PAIP2: variants seen among roughly 807,000 people sequenced by gnomAD.
The protein encoded by PAIP2 is polyadenylate-binding protein-interacting protein 2.
Under a neutral mutation model 14.8 loss-of-function variants are expected in PAIP2, and 7 were observed. The observed-to-expected ratio is 0.47, with a 90% CI of 0.27 to 0.89. PAIP2 has a LOEUF of 0.89. Ranked by LOEUF, PAIP2 falls within the 40% of genes least tolerant of loss-of-function variation. The pLI is 0.13. For synonymous variants in PAIP2, 47 were observed against 45.3 expected (o/e 1.04, Z -0.15); for missense variants, 122 against 154.7 (o/e 0.79, Z 1.12).
intron 1 of PAIP2, among the ~76,000 whole-genome samples, chr5:139,346,988 A>T (rs1756571147): frequency 6.6e-6 from 1 of 151,126 alleles, no homozygotes; most frequent in Admixed American, 6.6e-5. Context: ...TTTTTGTATT[A>T]CTAGAGATGG....
chr5:139,352,499 G>GTTTTTTTTTTTT (rs1561959065), intron 1 of PAIP2, among the ~76,000 whole-genome samples: 5 of 128,954 alleles, frequency 3.9e-5, no homozygotes, highest in South Asian at 4.6e-4. Flanking sequence ...TTTTTTTTTT[G>GTTTTTTTTTTTT]TTGTTTTTTT....
At chr5:139,359,808 A>G (rs886582822) in intron 1 of PAIP2, among the ~76,000 whole-genome samples, 25 of 151,286 alleles carry the variant, frequency 1.7e-4, no homozygotes, top group African/African-American at 5.3e-4. Context: ...TGTCTCTACT[A>G]AAAATACAAA....
intron 1 of PAIP2, among the ~76,000 whole-genome samples, chr5:139,354,795 C>T (rs1220450259): frequency 6.6e-6 from 1 of 150,554 alleles, no homozygotes; most frequent in Non-Finnish European, 1.5e-5. Flanking sequence ...TTGAACCCCT[C>T]TAGTAAATTT....
Position 139,364,588 on chromosome 5 carries a change from G to T in PAIP2, c.163G>T (p.Glu55Ter). ...GATAGAAGAGGAGTTATGGGAAGAAGAATTTATTGAACGCTGTTTCCAAGA... is the reference window on the plus strand; with the variant it reads ...GATAGAAGAGGAGTTATGGGAAGAATAATTTATTGAACGCTGTTTCCAAGA... ...RQIEEELWEE[E>*]FIERCFQEML... The change falls in exon 3 of 4, where the codon GAA becomes TAA. Residue 55 changes from glutamate (E) to a stop codon, truncating the protein, a stop_gained. Coordinates refer to ENST00000265192, the MANE Select transcript of PAIP2 (RefSeq NM_016480.5). LOFTEE classifies it high-confidence loss of function. 1 of 1,605,412 alleles carries T rather than the reference G, an allele frequency of 6.2e-7. No homozygotes were observed. The highest frequency in any genetic ancestry group is 8.5e-7 in the Non-Finnish European group (1 of 1,172,626).
At chr5:139,364,777 G>A in intron 3 of PAIP2, 34 bp downstream of exon 3, 1 of 1,417,576 alleles carries the variant, frequency 7.1e-7, no homozygotes, top group South Asian at 1.2e-5. Flanking sequence ...TTAAAACCTA[G>A]TGCATCTTTT....
At chr5:139,352,617 A>T (rs986588466) in intron 1 of PAIP2, among the ~76,000 whole-genome samples, 1 of 150,296 alleles carries the variant, frequency 6.7e-6, no homozygotes, top group Non-Finnish European at 1.5e-5. Flanking sequence ...GATTACAGGC[A>T]TGTGCCACCA....
chr5:139,368,356 A>T (rs114317449), intron 3 of PAIP2, among the ~76,000 whole-genome samples: 2,464 of 151,394 alleles, frequency 0.016, 28 homozygotes, highest in Non-Finnish European at 0.027. Flanking sequence ...AAAAAACTAA[A>T]TAAATAAATA....
In PAIP2 at chr5:139,363,698, G is replaced by A. The variant is rs558585149; in HGVS notation, c.-26-61G>A. 42 of 1,460,750 alleles carry A rather than the reference G, an allele frequency of 2.9e-5. No homozygotes were observed. In the South Asian group the frequency reaches 4.7e-4, roughly 16 times the overall value. 90.5% of individuals were successfully genotyped at this position (1,460,750 alleles called of 1,614,324 possible). On this transcript the variant is annotated intron_variant, in intron 1 of 3. Coordinates refer to ENST00000265192, the MANE Select transcript of PAIP2 (RefSeq NM_016480.5). ...AGCCTGGATGACGGAGTGAAACCTTGTCTCAGAAAGAAAAAACCCTGAATG... is the reference window on the plus strand; with the variant it reads ...AGCCTGGATGACGGAGTGAAACCTTATCTCAGAAAGAAAAAACCCTGAATG...
rs1561959065 is a variant in PAIP2, at chr5:139,352,499, G to GTTTTTTTTTTT, written c.-27+10521_-27+10522insTTTTTTTTTTT. Among the ~76,000 whole-genome samples the GTTTTTTTTTTT allele has an allele frequency of 1.3e-3, 169 of 128,934 alleles. 7 individuals are homozygous for GTTTTTTTTTTT. Among genetic ancestry groups the GTTTTTTTTTTT allele is most frequent in the South Asian group, 3.5e-3 (15 of 4,304 alleles). The allele number at this position is 128,934 out of a possible 152,430, so 84.6% of individuals were successfully genotyped here. ...GTTAATTCCTGCCAGTTTTTTTTTT[G>GTTTTTTTTTTT]TTGTTTTTTTTTTTTGAGATGGAGT... On this transcript the variant is annotated intron_variant, in intron 1 of 3. Coordinates refer to ENST00000265192, the MANE Select transcript of PAIP2 (RefSeq NM_016480.5).
intron 1 of PAIP2, among the ~76,000 whole-genome samples, chr5:139,348,618 A>G (rs2152045868): frequency 6.6e-6 from 1 of 151,702 alleles, no homozygotes; most frequent in African/African-American, 2.4e-5. Flanking sequence ...CGGCCTCCCA[A>G]AGTGCTGGGA....
intron 3 of PAIP2, among the ~76,000 whole-genome samples, chr5:139,366,516 G>C (rs1331167869): frequency 6.6e-6 from 1 of 152,186 alleles, no homozygotes; most frequent in Non-Finnish European, 1.5e-5. Flanking sequence ...CTTTGTTGCA[G>C]TAAGTGATGG....
intron 1 of PAIP2, chr5:139,342,553 G>T (rs1756415224): frequency 6.6e-6 from 1 of 152,070 alleles, no homozygotes; most frequent in South Asian, 2.1e-4. Context: ...CCGTTTCTTC[G>T]CCATCGCTAC....
At chr5:139,363,383 C>T (rs1757128532) in intron 1 of PAIP2, among the ~76,000 whole-genome samples, 1 of 152,094 alleles carries the variant, frequency 6.6e-6, no homozygotes. Flanking sequence ...GCCTCTAACA[C>T]CTATTCATGA....
chr5:139,350,622 C>G (rs1178793175), intron 1 of PAIP2, among the ~76,000 whole-genome samples: 1 of 150,516 alleles, frequency 6.6e-6, no homozygotes, highest in Non-Finnish European at 1.5e-5. Flanking sequence ...CAGAGTGAGA[C>G]TCTGTCTCAA....
chr5:139,361,259 G>T, intron 1 of PAIP2, among the ~76,000 whole-genome samples: 1 of 151,788 alleles, frequency 6.6e-6, no homozygotes, highest in East Asian at 1.9e-4. Flanking sequence ...TCCTCTTAAG[G>T]ATAAGTCCAT....
intron 1 of PAIP2, among the ~76,000 whole-genome samples, chr5:139,360,295 A>C (rs916187835): frequency 6.6e-6 from 1 of 151,868 alleles, no homozygotes; most frequent in Non-Finnish European, 1.5e-5. Flanking sequence ...ACTGGTTATT[A>C]TTTAGTCAAA....
intron 1 of PAIP2, among the ~76,000 whole-genome samples, chr5:139,348,816 T>A (rs1373556585): frequency 6.6e-6 from 1 of 152,024 alleles, no homozygotes; most frequent in African/African-American, 2.4e-5. Context: ...TAGCTGGGAT[T>A]ACAGGTGCCT....
chr5:139,357,791 A>C (rs1402506793), intron 1 of PAIP2, among the ~76,000 whole-genome samples: 1 of 152,184 alleles, frequency 6.6e-6, no homozygotes, highest in Non-Finnish European at 1.5e-5. Flanking sequence ...AGATTACGCG[A>C]CTACACTCCA....
chr5:139,345,346 C>A (rs2152043673), intron 1 of PAIP2, among the ~76,000 whole-genome samples: 1 of 152,050 alleles, frequency 6.6e-6, no homozygotes, highest in African/African-American at 2.4e-5. Context: ...GCCCAGAGCC[C>A]ATGTTTTTTA....
Sources: allele counts gnomAD v4.1 joint callset (sites outside exome capture counted in the v4.1 genomes callset), GRCh38; gene constraint gnomAD v4.1.1; transcripts MANE v1.5; gene names NCBI Gene and HGNC (gene_info 2026-07-23, HGNC 2026-07-21).